Variants in CABIN1 observed in about 807,000 individuals in gnomAD.
CABIN1 encodes calcineurin-binding protein cabin-1.
A neutral mutation model predicts 227.7 loss-of-function variants in CABIN1; 133 were observed. The ratio of observed to expected loss-of-function variants is 0.58; its 90% CI spans 0.51 to 0.67. The LOEUF is 0.67. CABIN1 is among the 30% of genes least tolerant of loss of function. CABIN1 has a pLI of 0.00. For synonymous variants in CABIN1, 1,086 were observed against 1,155.1 expected, an observed-to-expected ratio of 0.94 and a Z score of 1.21; for missense variants, 2,408 against 2,852.5, an observed-to-expected ratio of 0.84 and a Z score of 3.55.
chr22:24,035,816 G>A (rs557126182), intron 2 of CABIN1, among the ~76,000 whole-genome samples: 1 of 152,176 alleles, frequency 6.6e-6, no homozygotes, highest in South Asian at 2.1e-4. Flanking sequence ...GGTGTCCCCA[G>A]TGTCTGTTGC....
At chr22:24,090,555 CAGAGCACTGGG>C (rs1352643360) in intron 23 of CABIN1, among the ~76,000 whole-genome samples, 5 of 135,546 alleles carry the variant, frequency 3.7e-5, no homozygotes, top group Non-Finnish European at 4.6e-5. Flanking sequence ...AAGTGTCTAA[CAGAGCACTGGG>C]TAGCACATTG....
intron 33 of CABIN1, among the ~76,000 whole-genome samples, chr22:24,169,703 G>A (rs1272371083): frequency 1.3e-5 from 2 of 152,226 alleles, no homozygotes; most frequent in Non-Finnish European, 2.9e-5. Context: ...TCCTCCACTG[G>A]CCCAGGTGGA....
rs374125578 is a variant in CABIN1, at chr22:24,053,185, C to T, written c.807-1688C>T. Among the ~76,000 whole-genome samples, 117 of 149,130 alleles carry T rather than the reference C, an allele frequency of 7.8e-4. 1 individual carries two copies. The South Asian group carries it at 0.024, about 31-fold the overall frequency. On this transcript the variant is annotated intron_variant, in intron 8 of 36. Transcript: ENST00000263119. Reference sequence around the variant, plus strand: ...CTCTGCCTCCTGGGTTCACGCCATTCTTCTGCCTCAGACTCCCAAGTAGCT... The same window carrying T: ...CTCTGCCTCCTGGGTTCACGCCATTTTTCTGCCTCAGACTCCCAAGTAGCT...
intron 22 of CABIN1, among the ~76,000 whole-genome samples, chr22:24,086,900 A>T (rs2041205927): frequency 6.6e-6 from 1 of 152,132 alleles, no homozygotes; most frequent in South Asian, 2.1e-4. Flanking sequence ...CAGAGAGAGA[A>T]TGGGGTAGAA....
chr22:24,061,662 C>T (rs187304433), intron 12 of CABIN1, among the ~76,000 whole-genome samples: 14 of 152,304 alleles, frequency 9.2e-5, no homozygotes, highest in African/African-American at 2.9e-4. Flanking sequence ...ATGCAGTGTC[C>T]GTCCCAGCAC....
chr22:24,095,218 A>C (rs1214473531), intron 24 of CABIN1, among the ~76,000 whole-genome samples: 1 of 152,226 alleles, frequency 6.6e-6, no homozygotes, highest in African/African-American at 2.4e-5. Context: ...CATACCACCC[A>C]CTGTGCCCTC....
rs755945662 is a variant in CABIN1 at position 24,087,502 on chromosome 22, A to T, written c.3314A>T (p.Asp1105Val). Residue 1105 changes from aspartate to valine, a missense_variant, in exon 23 of 37, where the codon GAC becomes GTC. Asp to Val is a radical substitution (Grantham distance 152). Coordinates refer to ENST00000263119, the MANE Select transcript of CABIN1 (RefSeq NM_012295.4). ...CTGGCCCGGGCCAGCCGCATTCAGGACAAGCTGAACTCCAATGAGCTGAAG... is the reference window on the plus strand; with the variant it reads ...CTGGCCCGGGCCAGCCGCATTCAGGTCAAGCTGAACTCCAATGAGCTGAAG... ...MALARASRIQDKLNSNELKSD... is the reference protein window; with the variant it reads ...MALARASRIQVKLNSNELKSD... 6 of 1,614,144 alleles carry T rather than the reference A, an allele frequency of 3.7e-6. No homozygotes were observed. The highest frequency in any genetic ancestry group is 4.2e-6 in the Non-Finnish European group (5 of 1,180,016).
intron 29 of CABIN1, among the ~76,000 whole-genome samples, chr22:24,145,120 A>G (rs1426425903): frequency 1.3e-5 from 2 of 152,078 alleles, no homozygotes; most frequent in African/African-American, 4.8e-5. Context: ...GCAGAGTTGC[A>G]TGCTATACGC....
At chr22:24,014,225 T>G (rs1225209769) in intron 1 of CABIN1, among the ~76,000 whole-genome samples, 1 of 152,216 alleles carries the variant, frequency 6.6e-6, no homozygotes, top group African/African-American at 2.4e-5. Context: ...CAAGTTCTAC[T>G]GAAAGGAGAA....
At chr22:24,044,245 AT>A (rs2037667767) in intron 6 of CABIN1, among the ~76,000 whole-genome samples, 1 of 152,158 alleles carries the variant, frequency 6.6e-6, no homozygotes, top group East Asian at 1.9e-4. Flanking sequence ...GGCTCAGATG[AT>A]CTTTGAATCA....
intron 26 of CABIN1, chr22:24,103,240 G>A (rs1478678861): frequency 6.6e-6 from 1 of 152,036 alleles, no homozygotes; most frequent in African/African-American, 2.4e-5. Context: ...AGGCAGATGC[G>A]GTGGGGGCCT....
rs374920659 is a variant in CABIN1, at chr22:24,178,043, C to T, written c.6520-10C>T. The stretch of plus-strand genomic sequence containing the variant: ...TCCTTGACCAGTGCCCCGCCCGGCC[C>T]TCTCCGCAGTCAGCCATCCTTTCTG... On this transcript the variant is annotated splice_polypyrimidine_tract_variant and intron_variant, in intron 36 of 36. Transcript: ENST00000263119. 7.2e-5 allele frequency: 116 copies of T among 1,613,368 alleles called. No homozygotes were observed. The highest frequency in any genetic ancestry group is 8.8e-5 in the Non-Finnish European group (104 of 1,179,942).
At chr22:24,020,258 T>A (rs1005386159) in intron 1 of CABIN1, among the ~76,000 whole-genome samples, 18 of 152,222 alleles carry the variant, frequency 1.2e-4, no homozygotes, top group African/African-American at 4.3e-4. Context: ...ATGTAATTAT[T>A]TTTCCCTTAG....
chr22:24,128,181 CACAA>C (rs1156515753), intron 28 of CABIN1, among the ~76,000 whole-genome samples: 5 of 152,052 alleles, frequency 3.3e-5, no homozygotes, highest in Non-Finnish European at 5.9e-5. Context: ...TTTCTTTACA[CACAA>C]ACAGACACAC....
intron 19 of CABIN1, among the ~76,000 whole-genome samples, chr22:24,077,670 C>G (rs941471880): frequency 1.3e-5 from 2 of 152,168 alleles, no homozygotes; most frequent in African/African-American, 2.4e-5. Context: ...AGGACTCAGC[C>G]ACTCCCTTTT....
At position 24,091,903 on chromosome 22, in the gene CABIN1, T is replaced by C. The variant is rs1053021911; in HGVS notation, c.3786+60T>C. On this transcript the variant is annotated intron_variant, in intron 24 of 36. Coordinates refer to ENST00000263119, the MANE Select transcript of CABIN1 (RefSeq NM_012295.4). Reference sequence around the variant, plus strand: ...GCAGGGGCAGGCTGGTTTCTTTATCTCCCTGGGCATGTGGCTCAAGGTTCC... The same window carrying C: ...GCAGGGGCAGGCTGGTTTCTTTATCCCCCTGGGCATGTGGCTCAAGGTTCC... The C allele has an allele frequency of 5.0e-6, 8 of 1,593,632 alleles. No homozygotes were observed. The African/African-American group carries it at 1.1e-4, about 21-fold the overall frequency.
intron 29 of CABIN1, chr22:24,155,964 C>A: frequency 1.9e-6 from 1 of 525,894 alleles, no homozygotes; most frequent in South Asian, 2.4e-5. Flanking sequence ...CCCCGTCCGG[C>A]CGCGCCTGCC....
chr22:24,107,744 A>G (rs1387071105), intron 26 of CABIN1, among the ~76,000 whole-genome samples: 1 of 152,214 alleles, frequency 6.6e-6, no homozygotes, highest in African/African-American at 2.4e-5. Context: ...CACAGCTGGG[A>G]TTCCACCAAA....
At chr22:24,139,173 A>G (rs2044593396) in intron 29 of CABIN1, among the ~76,000 whole-genome samples, 1 of 152,218 alleles carries the variant, frequency 6.6e-6, no homozygotes, top group African/African-American at 2.4e-5. Flanking sequence ...TTGTTTGCCC[A>G]TCGCCAGGCA....
Sources: allele counts gnomAD v4.1 joint callset (sites outside exome capture counted in the v4.1 genomes callset), GRCh38; gene constraint gnomAD v4.1.1; transcripts MANE v1.5; gene names NCBI Gene and HGNC (gene_info 2026-07-23, HGNC 2026-07-21).